PDE10A: variants seen among roughly 807,000 people sequenced by gnomAD.
PDE10A encodes the protein cAMP and cAMP-inhibited cGMP 3',5'-cyclic phosphodiesterase 10A.
PDE10A carries 39 observed loss-of-function variants against 97.7 expected under a neutral mutation model. That is an observed-to-expected ratio of 0.40 (90% CI 0.31 to 0.52). The LOEUF is 0.52. Ranked by LOEUF, PDE10A falls within the 20% of genes least tolerant of loss-of-function variation. PDE10A has a pLI of 0.56. For missense variants in PDE10A, 731 were observed against 1,047.8 expected, an observed-to-expected ratio of 0.70 and a Z score of 4.17; for synonymous variants, 371 against 376.8, an observed-to-expected ratio of 0.98 and a Z score of 0.18.
chr6:165,878,154 C>T (rs1389763924), intron 1 of PDE10A, among the ~76,000 whole-genome samples: 1 of 152,158 alleles, frequency 6.6e-6, no homozygotes, highest in African/African-American at 2.4e-5. Flanking sequence ...CTGTTTACTA[C>T]CCAAAACCTG....
chr6:165,459,564 G>C (rs1778192281), intron 3 of PDE10A, among the ~76,000 whole-genome samples: 1 of 127,518 alleles, frequency 7.8e-6, no homozygotes, highest in South Asian at 2.3e-4. Flanking sequence ...CAGACAGATA[G>C]ATAGATAATG....
chr6:165,879,300 A>C (rs1375866691), intron 1 of PDE10A, among the ~76,000 whole-genome samples: 1 of 152,204 alleles, frequency 6.6e-6, no homozygotes, highest in African/African-American at 2.4e-5. Context: ...TTGCTAAGGG[A>C]GTTCAAGCTG....
chr6:165,395,076 T>C, intron 15 of PDE10A, 105 bp downstream of exon 15: 1 of 662,666 alleles, frequency 1.5e-6, no homozygotes. Flanking sequence ...CATGCAGTAT[T>C]TAAAAATAAT....
At chr6:165,630,842 T>C (rs1788594477) in intron 1 of PDE10A, among the ~76,000 whole-genome samples, 2 of 151,950 alleles carry the variant, frequency 1.3e-5, no homozygotes, top group Non-Finnish European at 2.9e-5. Flanking sequence ...AGCCTCTGAG[T>C]AGGAAACATA....
intron 13 of PDE10A, 69 bp downstream of exon 13, chr6:165,413,432 C>A: frequency 5.5e-6 from 6 of 1,096,160 alleles, no homozygotes; most frequent in South Asian, 1.7e-5. Context: ...AGCCCTTAAG[C>A]TGCTTTATGA....
At chr6:165,674,993 CAA>C (rs892343082) in intron 1 of PDE10A, among the ~76,000 whole-genome samples, 32 of 152,332 alleles carry the variant, frequency 2.1e-4, no homozygotes, top group African/African-American at 7.2e-4. Flanking sequence ...CCACTGCAAA[CAA>C]GACCTTTTCT....
chr6:165,364,992 T>A (rs575783341), intron 18 of PDE10A, among the ~76,000 whole-genome samples: 29 of 152,102 alleles, frequency 1.9e-4, no homozygotes, highest in African/African-American at 6.5e-4. Context: ...GATTATTTCA[T>A]TACTATTCAA....
chr6:165,437,232 C>T (rs1790088149), intron 5 of PDE10A, among the ~76,000 whole-genome samples: 1 of 144,984 alleles, frequency 6.9e-6, no homozygotes, highest in South Asian at 2.2e-4. Flanking sequence ...GTAAAACGCA[C>T]ATCTTTTTTT....
intron 2 of PDE10A, among the ~76,000 whole-genome samples, chr6:165,536,331 A>G (rs1159150593): frequency 6.6e-6 from 1 of 151,990 alleles, no homozygotes; most frequent in Non-Finnish European, 1.5e-5. Context: ...AAATACTTAA[A>G]CATAAGACCT....
chr6:165,372,854 C>G (rs936311543), intron 18 of PDE10A, among the ~76,000 whole-genome samples: 1 of 151,664 alleles, frequency 6.6e-6, no homozygotes, highest in African/African-American at 2.4e-5. Context: ...GTAACCAAAA[C>G]AGCATGGTAC....
chr6:165,340,878 A>C (rs1329769477), intron 19 of PDE10A, among the ~76,000 whole-genome samples: 1 of 152,200 alleles, frequency 6.6e-6, no homozygotes, highest in African/African-American at 2.4e-5. Flanking sequence ...CTGTATTACA[A>C]CAAGAGGATC....
At chr6:165,604,197 T>C (rs770656955) in intron 1 of PDE10A, among the ~76,000 whole-genome samples, 14 of 152,240 alleles carry the variant, frequency 9.2e-5, no homozygotes, top group Non-Finnish European at 1.9e-4. Context: ...AATTTGTTTA[T>C]GACTATTCAT....
chr6:165,675,343 C>T (rs1790764434), intron 1 of PDE10A, among the ~76,000 whole-genome samples: 1 of 152,102 alleles, frequency 6.6e-6, no homozygotes. Flanking sequence ...CTGGAAGACT[C>T]AACAGTGTTT....
intron 1 of PDE10A, among the ~76,000 whole-genome samples, chr6:165,855,135 C>T (rs552105990): frequency 2.2e-4 from 34 of 152,208 alleles, no homozygotes; most frequent in African/African-American, 7.9e-4. Context: ...GAGGACTGAC[C>T]GCAGACCCGC....
intron 1 of PDE10A, among the ~76,000 whole-genome samples, chr6:165,692,514 A>G (rs900018832): frequency 1.3e-5 from 2 of 152,124 alleles, no homozygotes; most frequent in Admixed American, 6.5e-5. Flanking sequence ...CTGTCTGTCC[A>G]CATTGGGCCC....
intron 1 of PDE10A, among the ~76,000 whole-genome samples, chr6:165,730,577 C>T (rs1402041716): frequency 6.6e-6 from 1 of 151,156 alleles, no homozygotes; most frequent in African/African-American, 2.4e-5. Context: ...CATGGTGAAA[C>T]CCGGTCTCCA....
At chr6:165,891,298 G>C (rs1198517267) in intron 1 of PDE10A, among the ~76,000 whole-genome samples, 2 of 152,200 alleles carry the variant, frequency 1.3e-5, no homozygotes, top group African/African-American at 2.4e-5. Flanking sequence ...TAACTGATAA[G>C]CTTCAGAAGT....
chr6:165,876,778 T>C (rs570327082), intron 1 of PDE10A, among the ~76,000 whole-genome samples: 41 of 152,252 alleles, frequency 2.7e-4, no homozygotes, highest in Non-Finnish European at 5.0e-4. Flanking sequence ...TGAGAATTGT[T>C]TGGAGACTAA....
intron 13 of PDE10A, among the ~76,000 whole-genome samples, chr6:165,407,293 C>T (rs946347745): frequency 2.0e-5 from 3 of 152,198 alleles, no homozygotes; most frequent in Middle Eastern, 6.8e-3. Context: ...TTAGCGAGCA[C>T]GGGGACCAGT....
Sources: gnomAD v4.1 joint callset for allele counts (sites outside exome capture counted in the v4.1 genomes callset) on GRCh38, gnomAD v4.1.1 for gene constraint, MANE v1.5 for transcripts, NCBI Gene and HGNC (gene_info 2026-07-23, HGNC 2026-07-21) for gene names.